Variants in CCSAP observed in about 807,000 individuals in gnomAD.
CCSAP encodes the protein centriole, cilia and spindle associated protein.
In CCSAP, 17 loss-of-function variants were observed where a neutral mutation model predicts 25.9. That is an observed-to-expected ratio of 0.66 (90% CI 0.45 to 0.99). The LOEUF (loss-of-function observed/expected upper bound fraction) is 0.99, where lower values mean the gene tolerates loss of function less well. Ranked by LOEUF, CCSAP falls within the 50% of genes least tolerant of loss-of-function variation. The probability of loss-of-function intolerance (pLI) is 0.00; values close to 1 mark genes in which losing one functional copy is unlikely to be tolerated. For synonymous variants in CCSAP, 169 were observed against 157.1 expected (o/e 1.08, Z -0.57); for missense variants, 339 against 367.8 (o/e 0.92, Z 0.64).
chr1:229,322,690 C>A lies in CCSAP; in HGVS notation c.*2545G>T, dbSNP rs983288488. ...GCAGTTAAAAGACAAAGAATCGATT[C>A]CTGTTCACTTCTCCTCCCGCGGACT... On this transcript the variant is annotated 3_prime_UTR_variant, in exon 4 of 4. Transcript: ENST00000284617. 3 of 152,122 alleles carry A rather than the reference C, an allele frequency of 2.0e-5. No individual in the cohort carries two copies. The highest frequency in any genetic ancestry group is 4.4e-5 in the Non-Finnish European group (3 of 68,022). The allele number at this position is 152,122 out of a possible 1,614,324, so 9.4% of individuals were successfully genotyped here.
rs540855676 is a variant in CCSAP at position 229,340,108 on chromosome 1, T to C, written c.367+1991A>G. On this transcript the variant is annotated intron_variant, in intron 2 of 3. Coordinates refer to ENST00000284617, the MANE Select transcript of CCSAP (RefSeq NM_145257.5). ...ACGTGATTCTATGTGCATCTATGGCTTCAGGGAAAGTAAAAAATTTTATAT... is the reference window on the plus strand; with the variant it reads ...ACGTGATTCTATGTGCATCTATGGCCTCAGGGAAAGTAAAAAATTTTATAT... Among the ~76,000 whole-genome samples the C allele has an allele frequency of 8.5e-5, 13 of 152,300 alleles. No individual in the cohort carries two copies. The East Asian group carries it at 2.5e-3, about 29-fold the overall frequency.
chr1:229,342,369 A>G lies in CCSAP; in HGVS notation c.97T>C (p.Tyr33His). The change falls in exon 2 of 4, where the codon TAC becomes CAC. Residue 33 changes from tyrosine (Y) to histidine (H), a missense_variant. Coordinates refer to ENST00000284617, the MANE Select transcript of CCSAP (RefSeq NM_145257.5). This position sits in a 1 kb window ranked among gnomAD's most constrained non-coding sequence, Gnocchi z 7.5. ...YGPCYRELLHYRLGRRLLEQA... is the reference protein window; with the variant it reads ...YGPCYRELLHHRLGRRLLEQA... ...TCCAGCAGCCGGCGGCCTAGGCGGT[A>G]GTGCAGCAGCTCGCGGTAGCACGGC... The G allele has an allele frequency of 6.6e-7, 1 of 1,509,242 alleles. No homozygotes were observed. Among genetic ancestry groups the G allele is most frequent in the Non-Finnish European group, 8.9e-7 (1 of 1,127,470 alleles). The allele number at this position is 1,509,242 out of a possible 1,614,324, so 93.5% of individuals were successfully genotyped here.
At chr1:229,337,936 A>G (rs771599251) in intron 2 of CCSAP, among the ~76,000 whole-genome samples, 12 of 151,796 alleles carry the variant, frequency 7.9e-5, no homozygotes, top group Non-Finnish European at 1.5e-4. Context: ...GCAAAAAACA[A>G]AAACAAAATA....
chr1:229,340,585 A>G (rs1658308465), intron 2 of CCSAP: 8 of 593,664 alleles, frequency 1.3e-5, no homozygotes, highest in South Asian at 1.3e-4. Flanking sequence ...ATAATCTGGA[A>G]GGCATGTTCC....
rs1657863157 is a variant in CCSAP, at chr1:229,323,034, A to G, written c.*2201T>C. The stretch of plus-strand genomic sequence containing the variant: ...ACCATCAGACTGTTAACAACTATCA[A>G]ATTTTCACAGGTTCAAAAGGTAATT... On this transcript the variant is annotated 3_prime_UTR_variant, in exon 4 of 4. Coordinates refer to ENST00000284617, the MANE Select transcript of CCSAP (RefSeq NM_145257.5). The G allele has an allele frequency of 6.6e-6, 1 of 152,222 alleles. No individual in the cohort carries two copies. The highest frequency in any genetic ancestry group is 1.5e-5 in the Non-Finnish European group (1 of 68,042). The allele number at this position is 152,222 out of a possible 1,614,324, so 9.4% of individuals were successfully genotyped here.
Position 229,340,448 on chromosome 1 carries a change from A to T in CCSAP, c.367+1651T>A, listed in dbSNP as rs1278559398. 4.2e-6 allele frequency: 3 copies of T among 716,272 alleles called. No homozygotes were observed. The South Asian group carries it at 4.5e-5, about 11-fold the overall frequency. 44.4% of individuals were successfully genotyped at this position (716,272 alleles called of 1,614,324 possible). On this transcript the variant is annotated intron_variant, in intron 2 of 3. Coordinates refer to ENST00000284617, the MANE Select transcript of CCSAP (RefSeq NM_145257.5). ...CATCCATATCACAACGCTGCCTAAAAATTGTATTTATATTGCATGCAAATA... is the reference window on the plus strand; with the variant it reads ...CATCCATATCACAACGCTGCCTAAATATTGTATTTATATTGCATGCAAATA...
chr1:229,341,990 A>AT (rs1214831292), intron 2 of CCSAP, 109 bp downstream of exon 2: 5 of 1,195,882 alleles, frequency 4.2e-6, no homozygotes, highest in Admixed American at 4.0e-5. Context: ...AAAAAAAAAA[A>AT]GGAAGAGCCA....
intron 2 of CCSAP, among the ~76,000 whole-genome samples, chr1:229,328,711 C>T (rs1658002495): frequency 6.6e-6 from 1 of 152,234 alleles, no homozygotes; most frequent in Admixed American, 6.5e-5. Flanking sequence ...TTGTCTATTT[C>T]TACTTCCCTT....
In CCSAP at chr1:229,326,946, T is replaced by C. The variant is rs1657955005; in HGVS notation, c.428A>G (p.Asp143Gly). ...AGGCTCAGTACTGGTGGGTGATTTG[T>C]CAGTCTCTCTTGTTCTGGTTTGTTG... ...PEQQTRTRET[D>G]KSPTSTEPRQ... is the part of the protein sequence containing the mutation. Residue 143 changes from aspartate (D) to glycine (G), a missense_variant, in exon 3 of 4, where the codon GAC (aspartate) becomes GGC (glycine). Coordinates refer to ENST00000284617, the MANE Select transcript of CCSAP (RefSeq NM_145257.5). 3.1e-6 allele frequency: 5 copies of C among 1,614,134 alleles called. No homozygotes were observed. In the African/African-American group the frequency reaches 6.7e-5, roughly 22 times the overall value.
intron 2 of CCSAP, 99 bp from the exon 3 acceptor site, chr1:229,327,105 C>T: frequency 2.9e-6 from 3 of 1,019,914 alleles, no homozygotes; most frequent in Non-Finnish European, 4.1e-6. Context: ...AAGACAGTAA[C>T]ATTTTCACTT....
chr1:229,326,135 A>C (rs9435840), intron 3 of CCSAP, among the ~76,000 whole-genome samples: 6,958 of 152,300 alleles, frequency 0.046, 232 homozygotes, highest in Non-Finnish European at 0.063. Flanking sequence ...CTCTCATCTG[A>C]AATGTTTCCG....
At chr1:229,332,898 A>G (rs1489545300) in intron 2 of CCSAP, among the ~76,000 whole-genome samples, 3 of 152,180 alleles carry the variant, frequency 2.0e-5, no homozygotes, top group Non-Finnish European at 4.4e-5. Context: ...ATGTATTTAA[A>G]CAGAATTAAT....
intron 2 of CCSAP, among the ~76,000 whole-genome samples, chr1:229,333,253 A>T (rs1285559274): frequency 7.9e-5 from 12 of 151,674 alleles, no homozygotes; most frequent in Non-Finnish European, 1.8e-4. Context: ...TAACACGGTG[A>T]AACCCCGTCT....
intron 2 of CCSAP, among the ~76,000 whole-genome samples, chr1:229,341,355 C>T (rs534472745): frequency 6.6e-6 from 1 of 152,304 alleles, no homozygotes; most frequent in African/African-American, 2.4e-5. Context: ...ATCCAGTGAT[C>T]TGGAAGGAAC....
chr1:229,336,790 C>A (rs965339477), intron 2 of CCSAP, among the ~76,000 whole-genome samples: 4 of 151,970 alleles, frequency 2.6e-5, no homozygotes, highest in African/African-American at 9.7e-5. Context: ...TTTTTCTTTT[C>A]TTTTCTTTTT....
chr1:229,329,343 G>C (rs1330144930), intron 2 of CCSAP, among the ~76,000 whole-genome samples: 1 of 152,210 alleles, frequency 6.6e-6, no homozygotes, highest in Non-Finnish European at 1.5e-5. Context: ...TCCAGAAAGA[G>C]GGAATGGCTT....
chr1:229,327,592 G>A (rs748281373), intron 2 of CCSAP: 2 of 455,784 alleles, frequency 4.4e-6, no homozygotes, highest in African/African-American at 2.0e-5. Flanking sequence ...GGCCCCGGCC[G>A]GGTGCGGTGG....
chr1:229,325,464 G>T, intron 3 of CCSAP, 53 bp from the exon 4 acceptor site: 1 of 1,536,304 alleles, frequency 6.5e-7, no homozygotes, highest in Non-Finnish European at 8.8e-7. Context: ...TTATACTAAT[G>T]TTCAACAGAG....
chr1:229,326,696 A>G (rs1456537304), intron 3 of CCSAP, 42 bp downstream of exon 3: 1 of 1,605,082 alleles, frequency 6.2e-7, no homozygotes, highest in African/African-American at 1.3e-5. Context: ...CCAGCTGGCC[A>G]CTCTCAAAGG....
Sources: allele counts gnomAD v4.1 joint callset (sites outside exome capture counted in the v4.1 genomes callset), GRCh38; gene constraint gnomAD v4.1.1; non-coding constraint Gnocchi (gnomAD v3.1); transcripts MANE v1.5; gene names NCBI Gene and HGNC (gene_info 2026-07-23, HGNC 2026-07-21).